LPAR3: variants seen among roughly 807,000 people sequenced by gnomAD.
LPAR3 encodes the protein lysophosphatidic acid receptor 3.
In LPAR3, 7 loss-of-function variants were observed where a neutral mutation model predicts 17.8. The observed-to-expected ratio is 0.39, with a 90% confidence interval of 0.22 to 0.74. The LOEUF (loss-of-function observed/expected upper bound fraction) is 0.74. LPAR3 is among the 30% of genes least tolerant of loss of function. The probability of loss-of-function intolerance (pLI) is 0.40; values close to 1 mark genes in which losing one functional copy is unlikely to be tolerated. For missense variants in LPAR3, 391 were observed against 453.4 expected (o/e 0.86, Z 1.25); for synonymous variants, 179 against 179.9 (o/e 0.99, Z 0.04).
chr1:84,891,501 A>G (rs1032166796), intron 1 of LPAR3, among the ~76,000 whole-genome samples: 1 of 152,166 alleles, frequency 6.6e-6, no homozygotes, highest in Non-Finnish European at 1.5e-5. Flanking sequence ...GCCTGGGGTT[A>G]ACAGAGCCAA....
At chr1:84,825,048 C>G (rs1659130640) in intron 2 of LPAR3, among the ~76,000 whole-genome samples, 1 of 152,216 alleles carries the variant, frequency 6.6e-6, no homozygotes, top group South Asian at 2.1e-4. Context: ...TATTTCTCTG[C>G]TCCCAGTATC....
At chr1:84,864,764 C>T (rs1377550225) in intron 2 of LPAR3, among the ~76,000 whole-genome samples, 1 of 151,748 alleles carries the variant, frequency 6.6e-6, no homozygotes, top group Non-Finnish European at 1.5e-5. Flanking sequence ...GCCTGGGTGA[C>T]AGAGTGAGTG....
chr1:84,844,270 T>A (rs1659558124), intron 2 of LPAR3, among the ~76,000 whole-genome samples: 1 of 152,258 alleles, frequency 6.6e-6, no homozygotes, highest in African/African-American at 2.4e-5. Context: ...CTTGGTTTGC[T>A]GACAGGCACT....
Position 84,842,053 on chromosome 1 carries a change from A to G in LPAR3, c.736+23332T>C, listed in dbSNP as rs1659512915. On this transcript the variant is annotated intron_variant, in intron 2 of 2. Coordinates refer to ENST00000370611, the MANE Select transcript of LPAR3 (RefSeq NM_012152.3). ...AATTAGCACATGGAGAGAAACTCAG[A>G]TGAGAAGTGAAGAGAAAGAATTTCC... is the stretch of plus-strand genomic sequence containing the variant. Among the ~76,000 whole-genome samples the G allele has an allele frequency of 1.3e-5, 2 of 152,218 alleles. 1 individual carries two copies. The highest frequency in any genetic ancestry group is 4.1e-4 in the South Asian group (2 of 4,832).
At chr1:84,823,204 G>A (rs1423982773) in intron 2 of LPAR3, among the ~76,000 whole-genome samples, 2 of 152,134 alleles carry the variant, frequency 1.3e-5, no homozygotes, top group Non-Finnish European at 2.9e-5. Context: ...ATTATAATGT[G>A]TAAGTCACAC....
chr1:84,885,700 T>C (rs865928338), intron 1 of LPAR3, among the ~76,000 whole-genome samples: 67 of 152,164 alleles, frequency 4.4e-4, no homozygotes, highest in African/African-American at 1.6e-3. Context: ...TTAAGCTACA[T>C]AGAGACACAG....
chr1:84,870,678 A>T (rs779411615), intron 1 of LPAR3, among the ~76,000 whole-genome samples: 2 of 152,164 alleles, frequency 1.3e-5, no homozygotes, highest in East Asian at 3.9e-4. Context: ...CCTCCCAACA[A>T]TGATGTAGAT....
intron 2 of LPAR3, among the ~76,000 whole-genome samples, chr1:84,826,059 C>T (rs1314023968): frequency 6.6e-6 from 1 of 151,694 alleles, no homozygotes; most frequent in African/African-American, 2.4e-5. Flanking sequence ...CGGTGCTTTG[C>T]GGAGTTGTGC....
At chr1:84,852,396 T>G (rs1254531651) in intron 2 of LPAR3, among the ~76,000 whole-genome samples, 1 of 152,152 alleles carries the variant, frequency 6.6e-6, no homozygotes, top group Non-Finnish European at 1.5e-5. Flanking sequence ...TGAATAATTT[T>G]AGATTTGGTG....
Position 84,842,148 on chromosome 1 carries a change from G to A in LPAR3, c.736+23237C>T, listed in dbSNP as rs200957489. On this transcript the variant is annotated intron_variant, in intron 2 of 2. Coordinates refer to ENST00000370611, the MANE Select transcript of LPAR3 (RefSeq NM_012152.3). ...TAGGCATGGTAATCTCCACACCCTT[G>A]GGTTGTATGAGACACTAGTGTTCCT... 3.3e-5 allele frequency among the ~76,000 whole-genome samples: 5 copies of A among 152,284 alleles called. No homozygotes were observed. The East Asian group carries it at 9.6e-4, about 29-fold the overall frequency.
rs1456626395 is a variant in LPAR3 at position 84,813,789 on chromosome 1, A to G, written c.*57T>C. 7.3e-7 allele frequency: 1 copy of G among 1,362,888 alleles called. No individual in the cohort carries two copies. Among genetic ancestry groups the G allele is most frequent in the East Asian group, 2.3e-5 (1 of 42,936 alleles). 84.4% of individuals were successfully genotyped at this position (1,362,888 alleles called of 1,614,324 possible). On this transcript the variant is annotated 3_prime_UTR_variant, in exon 3 of 3. Coordinates refer to ENST00000370611, the MANE Select transcript of LPAR3 (RefSeq NM_012152.3). Reference sequence around the variant, plus strand: ...TGGGCTTTGTTAGAGACAGGTAATCATTCTTAACAGCTCTTTTCCCAGAGG... The same window carrying G: ...TGGGCTTTGTTAGAGACAGGTAATCGTTCTTAACAGCTCTTTTCCCAGAGG...
At chr1:84,857,175 T>C (rs1053965493) in intron 2 of LPAR3, among the ~76,000 whole-genome samples, 4 of 152,160 alleles carry the variant, frequency 2.6e-5, no homozygotes, top group African/African-American at 9.6e-5. Context: ...GTGTCCAGGT[T>C]ACTTGGTGAT....
At chr1:84,887,020 T>G (rs1246009516) in intron 1 of LPAR3, among the ~76,000 whole-genome samples, 1 of 152,146 alleles carries the variant, frequency 6.6e-6, no homozygotes, top group Non-Finnish European at 1.5e-5. Context: ...AAGTTCTTCC[T>G]TATAGTAGTA....
At chr1:84,845,850 C>T (rs1273888566) in intron 2 of LPAR3, among the ~76,000 whole-genome samples, 2 of 152,106 alleles carry the variant, frequency 1.3e-5, no homozygotes, top group Non-Finnish European at 2.9e-5. Flanking sequence ...GAAAAGTATA[C>T]TTTATCCACT....
chr1:84,820,763 C>T (rs1017816599), intron 2 of LPAR3, among the ~76,000 whole-genome samples: 1 of 152,096 alleles, frequency 6.6e-6, no homozygotes, highest in Non-Finnish European at 1.5e-5. Flanking sequence ...TTCTAAGCAT[C>T]TAGAATGGTG....
intron 2 of LPAR3, among the ~76,000 whole-genome samples, chr1:84,856,522 T>G (rs1053364087): frequency 6.6e-6 from 1 of 152,206 alleles, no homozygotes; most frequent in Non-Finnish European, 1.5e-5. Flanking sequence ...GTTTCAGAAT[T>G]CCTCACGAAC....
intron 1 of LPAR3, among the ~76,000 whole-genome samples, chr1:84,872,217 T>C (rs918038780): frequency 9.8e-5 from 15 of 152,378 alleles, no homozygotes; most frequent in Middle Eastern, 3.4e-3. Context: ...TGTGCACTCA[T>C]GTCTACATGC....
chr1:84,883,316 G>T (rs755212400), intron 1 of LPAR3, among the ~76,000 whole-genome samples: 13 of 152,174 alleles, frequency 8.5e-5, no homozygotes, highest in Non-Finnish European at 1.5e-5. Context: ...CACTGGGTGG[G>T]TCACCACAAT....
intron 2 of LPAR3, among the ~76,000 whole-genome samples, chr1:84,852,463 G>C (rs1218079518): frequency 6.6e-6 from 1 of 152,176 alleles, no homozygotes; most frequent in African/African-American, 2.4e-5. Context: ...CAGCTTGGAA[G>C]GCAAGGCAGA....
Sources: gnomAD v4.1 joint callset for allele counts (sites outside exome capture counted in the v4.1 genomes callset) on GRCh38, gnomAD v4.1.1 for gene constraint, MANE v1.5 for transcripts, NCBI Gene and HGNC (gene_info 2026-07-23, HGNC 2026-07-21) for gene names.